ITPK1: variants seen among roughly 807,000 people sequenced by gnomAD.
ITPK1 encodes the protein inositol-tetrakisphosphate 1-kinase.
ITPK1 carries 21 observed loss-of-function variants against 45.3 expected under a neutral mutation model. The observed-to-expected ratio is 0.46, with a 90% CI of 0.33 to 0.67. The LOEUF is 0.67. Ranked by LOEUF, ITPK1 falls within the 30% of genes least tolerant of loss-of-function variation. ITPK1 has a pLI of 0.02. For missense variants in ITPK1, 474 were observed against 573.5 expected, an observed-to-expected ratio of 0.83 and a Z score of 1.77; for synonymous variants, 258 against 253.6, an observed-to-expected ratio of 1.02 and a Z score of -0.16.
rs143114821 is a variant in ITPK1, at chr14:93,104,841, G to C, written c.95+10228C>G. Reference sequence around the variant, plus strand: ...CCGCCTGAACAAACCCAGAGTCCCAGTTTCTGGCTTGGGCTCCAAGAGCGC... The same window carrying C: ...CCGCCTGAACAAACCCAGAGTCCCACTTTCTGGCTTGGGCTCCAAGAGCGC... On this transcript the variant is annotated intron_variant, in intron 2 of 10. Coordinates refer to ENST00000267615, the MANE Select transcript of ITPK1 (RefSeq NM_014216.6). Among the ~76,000 whole-genome samples the C allele has an allele frequency of 7.5e-4, 114 of 152,142 alleles. No homozygotes were observed. In the East Asian group the frequency reaches 0.019, roughly 25 times the overall value.
At chr14:92,949,912 C>A (rs1028691684) in intron 9 of ITPK1, among the ~76,000 whole-genome samples, 6 of 152,168 alleles carry the variant, frequency 3.9e-5, no homozygotes, top group African/African-American at 1.4e-4. Flanking sequence ...GGAAGGCGTT[C>A]ATGGGTCCCC....
intron 3 of ITPK1, chr14:93,067,354 C>T (rs1430384791): frequency 2.6e-5 from 4 of 151,798 alleles, no homozygotes; most frequent in Admixed American, 6.6e-5. Context: ...ACCCAGGCAC[C>T]CTGGAGCACA....
intron 3 of ITPK1, among the ~76,000 whole-genome samples, chr14:93,046,235 A>G (rs1436968118): frequency 1.3e-5 from 2 of 152,206 alleles, no homozygotes; most frequent in Non-Finnish European, 2.9e-5. Context: ...GGCATGCACA[A>G]ACCCACTCAC....
intron 10 of ITPK1, among the ~76,000 whole-genome samples, chr14:92,943,300 C>T (rs924638450): frequency 6.6e-5 from 10 of 152,178 alleles, no homozygotes; most frequent in Admixed American, 4.6e-4. Flanking sequence ...GGGCTGTGAG[C>T]GCCACGGTCC....
intron 3 of ITPK1, among the ~76,000 whole-genome samples, chr14:93,058,421 T>C (rs1158850720): frequency 4.2e-5 from 2 of 47,274 alleles, no homozygotes; most frequent in Non-Finnish European, 7.9e-5. Flanking sequence ...GTGGAGGGGG[T>C]GCGGGTCACG....
At chr14:93,020,409 G>A (rs1385911579) in intron 3 of ITPK1, among the ~76,000 whole-genome samples, 1 of 152,208 alleles carries the variant, frequency 6.6e-6, no homozygotes, top group Non-Finnish European at 1.5e-5. Flanking sequence ...TCACTGAGCT[G>A]TGTGGTACCT....
intron 2 of ITPK1, among the ~76,000 whole-genome samples, chr14:93,094,316 T>C (rs1891981956): frequency 6.6e-6 from 1 of 151,980 alleles, no homozygotes; most frequent in South Asian, 2.1e-4. Flanking sequence ...ACCGTCGGTA[T>C]GGGCTTTTCT....
At chr14:93,091,087 G>A (rs186051360) in intron 2 of ITPK1, among the ~76,000 whole-genome samples, 2 of 152,322 alleles carry the variant, frequency 1.3e-5, no homozygotes, top group Admixed American at 1.3e-4. Context: ...GCAGGAAGAG[G>A]AAGGCAGATG....
intron 3 of ITPK1, among the ~76,000 whole-genome samples, chr14:93,045,217 T>C (rs1479650455): frequency 1.3e-5 from 2 of 152,218 alleles, no homozygotes; most frequent in Non-Finnish European, 2.9e-5. Flanking sequence ...GTTACCCCTC[T>C]GGGCAAGACC....
intron 3 of ITPK1, chr14:93,069,841 T>C (rs1257357825): frequency 6.6e-6 from 1 of 152,074 alleles, no homozygotes; most frequent in Non-Finnish European, 1.5e-5. Context: ...AAAACACATA[T>C]ACAAAGGTCA....
At chr14:93,077,031 C>T (rs1285079138) in intron 2 of ITPK1, among the ~76,000 whole-genome samples, 3 of 152,190 alleles carry the variant, frequency 2.0e-5, no homozygotes, top group Non-Finnish European at 4.4e-5. Flanking sequence ...GGTCTCGCCC[C>T]AGGACCTGCC....
At chr14:93,044,504 T>C (rs1889695581) in intron 3 of ITPK1, among the ~76,000 whole-genome samples, 1 of 152,188 alleles carries the variant, frequency 6.6e-6, no homozygotes, top group Non-Finnish European at 1.5e-5. Flanking sequence ...GTGAGGATGC[T>C]GCACTCGGCC....
At chr14:93,114,333 AC>A (rs1274891697) in intron 2 of ITPK1, among the ~76,000 whole-genome samples, 1 of 152,228 alleles carries the variant, frequency 6.6e-6, no homozygotes, top group Non-Finnish European at 1.5e-5. Flanking sequence ...GAGCAGGGGC[AC>A]ACAGCCCAGA....
intron 3 of ITPK1, among the ~76,000 whole-genome samples, chr14:93,037,455 G>A (rs1473107549): frequency 6.6e-6 from 1 of 152,200 alleles, no homozygotes; most frequent in Admixed American, 6.5e-5. Flanking sequence ...AGCAGCCACT[G>A]GCTGAAGGCG....
At chr14:92,967,340 A>T (rs903321022) in intron 5 of ITPK1, among the ~76,000 whole-genome samples, 1 of 152,358 alleles carries the variant, frequency 6.6e-6, no homozygotes, top group South Asian at 2.1e-4. Context: ...CATCGGGGAA[A>T]TGCAAATCAA....
chr14:93,055,269 T>C (rs1273834271), intron 3 of ITPK1, among the ~76,000 whole-genome samples: 1 of 152,140 alleles, frequency 6.6e-6, no homozygotes, highest in African/African-American at 2.4e-5. Flanking sequence ...GCTGGGAACA[T>C]TCATTCTACA....
chr14:93,089,449 T>C (rs1002815591), intron 2 of ITPK1, among the ~76,000 whole-genome samples: 2 of 151,952 alleles, frequency 1.3e-5, no homozygotes, highest in Admixed American at 1.3e-4. Context: ...CTGGCTTCCA[T>C]AGGAAGGCAG....
chr14:93,015,460 A>C (rs1888129702), intron 4 of ITPK1, among the ~76,000 whole-genome samples: 1 of 152,192 alleles, frequency 6.6e-6, no homozygotes, highest in African/African-American at 2.4e-5. Context: ...ACATGGTCTG[A>C]GCTTTTCTTA....
chr14:93,024,635 G>A (rs371981188), intron 3 of ITPK1, among the ~76,000 whole-genome samples: 3 of 152,232 alleles, frequency 2.0e-5, no homozygotes, highest in South Asian at 2.1e-4. Context: ...CAGAACTACC[G>A]GGACCCTTAT....
Sources: gnomAD v4.1 joint callset for allele counts (sites outside exome capture counted in the v4.1 genomes callset) on GRCh38, gnomAD v4.1.1 for gene constraint, MANE v1.5 for transcripts, NCBI Gene and HGNC (gene_info 2026-07-23, HGNC 2026-07-21) for gene names.